Variants in SLCO2A1 observed in about 807,000 individuals in gnomAD.
SLCO2A1 encodes the protein matrin F/G 1.
A neutral mutation model predicts 71.7 loss-of-function variants in SLCO2A1; 60 were observed. That is an observed-to-expected ratio of 0.84 (90% CI 0.68 to 1.04). SLCO2A1 has a LOEUF of 1.04. SLCO2A1 is among the 50% of genes least tolerant of loss of function. SLCO2A1 has a pLI of 0.00. For missense variants in SLCO2A1, 745 were observed against 813.4 expected (o/e 0.92, Z 1.02); for synonymous variants, 308 against 326.7 (o/e 0.94, Z 0.62).
chr3:133,936,342 G>C (rs887662813), intron 12 of SLCO2A1, among the ~76,000 whole-genome samples: 1 of 152,204 alleles, frequency 6.6e-6, no homozygotes, highest in African/African-American at 2.4e-5. Flanking sequence ...ACACAGCCAA[G>C]AGAAGTCAAG....
At chr3:134,024,110 G>A (rs569534486) in intron 1 of SLCO2A1, among the ~76,000 whole-genome samples, 5 of 152,192 alleles carry the variant, frequency 3.3e-5, no homozygotes, top group Non-Finnish European at 5.9e-5. Flanking sequence ...GTTCATCCCC[G>A]AGCAGATGTG....
At chr3:133,970,678 T>C (rs766706441) in intron 3 of SLCO2A1, among the ~76,000 whole-genome samples, 12 of 152,290 alleles carry the variant, frequency 7.9e-5, no homozygotes, top group Admixed American at 2.6e-4. Context: ...TGCCCGAAGG[T>C]AGCTCAGCTC....
chr3:133,953,990 G>T (rs1424566421), intron 4 of SLCO2A1, among the ~76,000 whole-genome samples: 2 of 152,012 alleles, frequency 1.3e-5, no homozygotes, highest in African/African-American at 4.8e-5. Flanking sequence ...AGACCTGCTT[G>T]CCAGGAAGGA....
At chr3:133,954,446 G>A (rs891135860) in intron 4 of SLCO2A1, among the ~76,000 whole-genome samples, 6 of 152,180 alleles carry the variant, frequency 3.9e-5, no homozygotes, top group African/African-American at 9.7e-5. Context: ...ACAGGCATGA[G>A]CCACCACGCC....
chr3:134,015,821 G>C (rs920621241), intron 1 of SLCO2A1, among the ~76,000 whole-genome samples: 1 of 152,076 alleles, frequency 6.6e-6, no homozygotes, highest in South Asian at 2.1e-4. Flanking sequence ...AGACAGACTG[G>C]TATCAGCAGA....
At chr3:133,963,418 G>C (rs1934090576) in intron 3 of SLCO2A1, among the ~76,000 whole-genome samples, 1 of 152,218 alleles carries the variant, frequency 6.6e-6, no homozygotes, top group African/African-American at 2.4e-5. Flanking sequence ...CCAAGGTCTA[G>C]AGCTGGGGTA....
At chr3:133,990,679 C>A (rs4331673) in intron 1 of SLCO2A1, among the ~76,000 whole-genome samples, 17,999 of 152,188 alleles carry the variant, frequency 0.12, 1,356 homozygotes, top group Non-Finnish European at 0.16. Context: ...CACTGTCTGC[C>A]TTCACACAAC....
intron 1 of SLCO2A1, among the ~76,000 whole-genome samples, chr3:134,015,827 G>C (rs1292151203): frequency 6.6e-6 from 1 of 152,112 alleles, no homozygotes; most frequent in African/African-American, 2.4e-5. Flanking sequence ...ACTGGTATCA[G>C]CAGAAACAAC....
At chr3:133,935,958 G>A (rs1185592216) in intron 12 of SLCO2A1, 61 bp from the exon 13 acceptor site, 1 of 1,450,224 alleles carries the variant, frequency 6.9e-7, no homozygotes, top group African/African-American at 1.4e-5. Context: ...GTCCAGCAGG[G>A]GTGTGGGAGC....
rs551618431 is a variant in SLCO2A1 at position 133,951,202 on chromosome 3, C to T, written c.861+6G>A. The T allele has an allele frequency of 1.2e-6, 2 of 1,614,072 alleles. No individual in the cohort carries two copies. The highest frequency in any genetic ancestry group is 4.5e-5 in the East Asian group (2 of 44,876). On this transcript the variant is annotated splice_donor_region_variant and intron_variant, in intron 6 of 13. Coordinates refer to ENST00000310926, the MANE Select transcript of SLCO2A1 (RefSeq NM_005630.3). ...CAGGTAGAGTCATGGGCTCTTGGAACCTTACCTTTGCTCCTATGGGCATTG... is the reference window on the plus strand; with the variant it reads ...CAGGTAGAGTCATGGGCTCTTGGAATCTTACCTTTGCTCCTATGGGCATTG...
chr3:133,984,150 T>C (rs527741454), intron 1 of SLCO2A1, among the ~76,000 whole-genome samples: 337 of 152,290 alleles, frequency 2.2e-3, no homozygotes, highest in Non-Finnish European at 3.1e-3. Context: ...ACTTCTCCAG[T>C]TGTCTCATGA....
intron 1 of SLCO2A1, among the ~76,000 whole-genome samples, chr3:134,020,842 T>C (rs1235562547): frequency 1.3e-5 from 2 of 151,970 alleles, no homozygotes; most frequent in Non-Finnish European, 2.9e-5. Flanking sequence ...TTGACAGGAC[T>C]GGTCGTGAGA....
intron 3 of SLCO2A1, 129 bp from the exon 4 acceptor site, chr3:133,955,322 A>C: frequency 1.5e-6 from 1 of 677,286 alleles, no homozygotes; most frequent in Non-Finnish European, 2.5e-6. Context: ...GTGCTAGCAA[A>C]TGGGACATGG....
In SLCO2A1 at chr3:133,994,325, C is replaced by T. The variant is rs146031207; in HGVS notation, c.97-14707G>A. Reference sequence around the variant, plus strand: ...GGCAAATAGTAGCAGGCTACTGATGCCAAATCCATCACCTTGCTCCACCAT... The same window carrying T: ...GGCAAATAGTAGCAGGCTACTGATGTCAAATCCATCACCTTGCTCCACCAT... On this transcript the variant is annotated intron_variant, in intron 1 of 13. Coordinates refer to ENST00000310926, the MANE Select transcript of SLCO2A1 (RefSeq NM_005630.3). Among the ~76,000 whole-genome samples, 384 of 152,314 alleles carry T rather than the reference C, an allele frequency of 2.5e-3. 2 individuals are homozygous for T. Among genetic ancestry groups the T allele is most frequent in the Non-Finnish European group, 4.8e-3 (327 of 68,016 alleles).
At chr3:133,959,419 C>T (rs889265117) in intron 3 of SLCO2A1, among the ~76,000 whole-genome samples, 9 of 143,430 alleles carry the variant, frequency 6.3e-5, no homozygotes, top group Non-Finnish European at 1.3e-4. Flanking sequence ...AAACAGAAAA[C>T]GAGTGTTGGC....
chr3:133,939,813 G>A (rs1314266336), intron 11 of SLCO2A1, among the ~76,000 whole-genome samples: 1 of 152,136 alleles, frequency 6.6e-6, no homozygotes, highest in Non-Finnish European at 1.5e-5. Context: ...TCTAGTCTCT[G>A]TCCCATGTGG....
intron 3 of SLCO2A1, among the ~76,000 whole-genome samples, chr3:133,969,918 A>T (rs1934285690): frequency 1.3e-5 from 2 of 152,084 alleles, no homozygotes; most frequent in South Asian, 4.2e-4. Context: ...ACAGCAACCT[A>T]AGCTTCCACC....
chr3:134,001,222 T>C (rs1205513153), intron 1 of SLCO2A1, among the ~76,000 whole-genome samples: 3 of 152,042 alleles, frequency 2.0e-5, no homozygotes, highest in Non-Finnish European at 1.5e-5. Context: ...GGGATTCTCC[T>C]GCCTCAGCAT....
rs1935666447 is a variant in SLCO2A1, at chr3:134,024,871, C to T, written c.96+4836G>A. ...TTGAAGTTTGCAACACCCTAAACCCCACCACCTTGCTCCCAGTATCAGAGA... is the reference window on the plus strand; with the variant it reads ...TTGAAGTTTGCAACACCCTAAACCCTACCACCTTGCTCCCAGTATCAGAGA... On this transcript the variant is annotated intron_variant, in intron 1 of 13. Coordinates refer to ENST00000310926, the MANE Select transcript of SLCO2A1 (RefSeq NM_005630.3). 4.6e-5 allele frequency among the ~76,000 whole-genome samples: 7 copies of T among 152,262 alleles called. No individual in the cohort carries two copies. The South Asian group carries it at 1.2e-3, about 27-fold the overall frequency.
Sources: gnomAD v4.1 joint callset for allele counts (sites outside exome capture counted in the v4.1 genomes callset) on GRCh38, gnomAD v4.1.1 for gene constraint, MANE v1.5 for transcripts, NCBI Gene and HGNC (gene_info 2026-07-23, HGNC 2026-07-21) for gene names.